MTCL2: variants seen among roughly 807,000 people sequenced by gnomAD.
The protein encoded by MTCL2 is microtubule crosslinking factor 2, also known as microtubule cross-linking factor 2.
the MTCL2 span, chr20:36,778,821 G>A: frequency 6.6e-6 from 1 of 152,330 alleles, no homozygotes. Context: ...GGTAGGAGAA[G>A]TGAAGACATC....
the MTCL2 span, among the ~76,000 whole-genome samples, chr20:36,856,191 T>A: frequency 6.6e-6 from 1 of 152,164 alleles, no homozygotes; most frequent in African/African-American, 2.4e-5. Context: ...TGTACACATA[T>A]TTATTGAGCC....
chr20:36,787,475 G>A, the MTCL2 span, among the ~76,000 whole-genome samples: 1 of 151,926 alleles, frequency 6.6e-6, no homozygotes, highest in Admixed American at 6.6e-5. Flanking sequence ...TGCCCGCCTC[G>A]GCCTTCCAAA....
the MTCL2 span, chr20:36,839,402 G>A: frequency 6.2e-7 from 1 of 1,613,332 alleles, no homozygotes; most frequent in Non-Finnish European, 8.5e-7. This position sits in a 1 kb window ranked among gnomAD's most constrained non-coding sequence, Gnocchi z 5.1. Flanking sequence ...TAGACGTCCC[G>A]CATCTCCAGC....
the MTCL2 span, among the ~76,000 whole-genome samples, chr20:36,807,802 C>T: frequency 6.7e-6 from 1 of 148,804 alleles, no homozygotes; most frequent in African/African-American, 2.5e-5. Flanking sequence ...GAGGCCAAGG[C>T]AGGTGGATTA....
At chr20:36,817,266 CA>C in the MTCL2 span, 182,564 of 512,198 alleles carry the variant, frequency 0.36, 6,831 homozygotes, top group East Asian at 0.42. Flanking sequence ...GACTCCGTCT[CA>C]AAAAAAAAAA....
chr20:36,855,664 G>A, the MTCL2 span, among the ~76,000 whole-genome samples: 1 of 152,186 alleles, frequency 6.6e-6, no homozygotes, highest in Admixed American at 6.5e-5. Context: ...CTGCCCCGGA[G>A]GCTATGCAAG....
the MTCL2 span, among the ~76,000 whole-genome samples, chr20:36,799,687 T>G: frequency 7.0e-6 from 1 of 143,396 alleles, no homozygotes; most frequent in African/African-American, 2.6e-5. Context: ...TGTCTCAAAA[T>G]AAGAAAAGAA....
the MTCL2 span, among the ~76,000 whole-genome samples, chr20:36,813,752 CAA>C: frequency 1.5e-5 from 1 of 65,846 alleles, no homozygotes. Context: ...GACTCTGTCT[CAA>C]AAAAAAAAAA....
At chr20:36,824,660 A>AT in the MTCL2 span, among the ~76,000 whole-genome samples, 144,099 of 150,416 alleles carry the variant, frequency 0.96, 69,353 homozygotes, top group Non-Finnish European at 1. Context: ...TTTTATTTTA[A>AT]TTTTTTTTTT....
chr20:36,844,298 G>A, the MTCL2 span, among the ~76,000 whole-genome samples: 2 of 151,658 alleles, frequency 1.3e-5, no homozygotes, highest in African/African-American at 4.8e-5. Flanking sequence ...GCTCACCCCT[G>A]TAACCCCAGC....
the MTCL2 span, chr20:36,862,629 G>A: frequency 6.8e-7 from 1 of 1,481,464 alleles, no homozygotes; most frequent in Non-Finnish European, 8.9e-7. Flanking sequence ...CGACCCCTGC[G>A]ACCTCCCTTT....
the MTCL2 span, chr20:36,839,228 G>C: frequency 1.9e-6 from 3 of 1,599,252 alleles, no homozygotes; most frequent in East Asian, 4.5e-5. This position sits in a 1 kb window ranked among gnomAD's most constrained non-coding sequence, Gnocchi z 5.1. Flanking sequence ...TTGACATCCT[G>C]CTCCAGACCA....
At chr20:36,834,114 G>A in the MTCL2 span, among the ~76,000 whole-genome samples, 2 of 147,796 alleles carry the variant, frequency 1.4e-5, no homozygotes, top group African/African-American at 2.5e-5. Context: ...AGTGAGCAGC[G>A]ATCACGCTAC....
chr20:36,794,333 A>G, the MTCL2 span: 1 of 1,581,274 alleles, frequency 6.3e-7, no homozygotes, highest in Non-Finnish European at 8.6e-7. The surrounding 1 kb of genome is among the most constrained non-coding windows in gnomAD (Gnocchi z 5.4). Flanking sequence ...GTAGACTCGG[A>G]TGCCCGTCTT....
chr20:36,785,568 A>T, the MTCL2 span: 1 of 985,430 alleles, frequency 1.0e-6, no homozygotes, highest in Non-Finnish European at 1.2e-6. Flanking sequence ...CAGCTGCAGG[A>T]TGTAAACACA....
the MTCL2 span, among the ~76,000 whole-genome samples, chr20:36,837,214 T>A: frequency 7.9e-5 from 12 of 152,270 alleles, no homozygotes; most frequent in African/African-American, 2.9e-4. Context: ...GCTCCTCGTG[T>A]CACCAGATCA....
chr20:36,839,439 G>A, the MTCL2 span: 36 of 1,612,676 alleles, frequency 2.2e-5, no homozygotes, highest in African/African-American at 9.3e-5. The surrounding 1 kb of genome is among the most constrained non-coding windows in gnomAD (Gnocchi z 5.1). Flanking sequence ...CCTCAATCTC[G>A]TCCTGCGGAG....
chr20:36,794,870 G>A, the MTCL2 span: 1 of 493,250 alleles, frequency 2.0e-6, no homozygotes, highest in South Asian at 2.1e-5. The surrounding 1 kb of genome is among the most constrained non-coding windows in gnomAD (Gnocchi z 5.4). Context: ...CTGGGCTCAA[G>A]TGATCCTCCC....
the MTCL2 span, among the ~76,000 whole-genome samples, chr20:36,838,093 G>C: frequency 4.0e-5 from 6 of 151,648 alleles, no homozygotes; most frequent in Non-Finnish European, 8.8e-5. Context: ...TGTCGCCCAG[G>C]CTGGAGTGCA....
Sources: allele counts gnomAD v4.1 joint callset (sites outside exome capture counted in the v4.1 genomes callset), GRCh38; gene constraint gnomAD v4.1.1; non-coding constraint Gnocchi (gnomAD v3.1); transcripts MANE v1.5; gene names NCBI Gene and HGNC (gene_info 2026-07-23, HGNC 2026-07-21).